Variants in HADHB observed in about 807,000 individuals in gnomAD.
HADHB encodes the protein trifunctional enzyme subunit beta, mitochondrial.
A neutral mutation model predicts 61.9 loss-of-function variants in HADHB; 50 were observed. That is an observed-to-expected ratio of 0.81 (90% CI 0.64 to 1.02). The LOEUF (loss-of-function observed/expected upper bound fraction) is 1.02. Among genes scored for constraint, HADHB ranks in the 50% least tolerant of loss-of-function variants. HADHB has a pLI of 0.00. For missense variants in HADHB, 504 were observed against 586.5 expected, an observed-to-expected ratio of 0.86 and a Z score of 1.45; for synonymous variants, 191 against 201.6, an observed-to-expected ratio of 0.95 and a Z score of 0.45.
intron 15 of HADHB, among the ~76,000 whole-genome samples, chr2:26,285,781 A>C (rs889148366): frequency 3.2e-5 from 3 of 94,790 alleles, no homozygotes; most frequent in Non-Finnish European, 6.0e-5. Context: ...TCTGTCACCC[A>C]GGTTGGAATG....
chr2:26,265,497 G>A, intron 4 of HADHB, among the ~76,000 whole-genome samples: 1 of 152,042 alleles, frequency 6.6e-6, no homozygotes, highest in East Asian at 1.9e-4. Context: ...TTGGGAGGCT[G>A]AGGCAGGAGA....
rs538195256 is a variant in HADHB, at chr2:26,287,381, G to T, written c.1389+1810G>T. On this transcript the variant is annotated intron_variant, in intron 15 of 15. Coordinates refer to ENST00000317799, the MANE Select transcript of HADHB (RefSeq NM_000183.3). Reference sequence around the variant, plus strand: ...TCTACAGAAAACCATGGTCCATTAAGACTAGAGCGATCCCTCTATCTCTTC... The same window carrying T: ...TCTACAGAAAACCATGGTCCATTAATACTAGAGCGATCCCTCTATCTCTTC... Among the ~76,000 whole-genome samples the T allele has an allele frequency of 1.3e-5, 2 of 152,258 alleles. 1 individual carries two copies. Among genetic ancestry groups the T allele is most frequent in the South Asian group, 4.1e-4 (2 of 4,820 alleles).
At chr2:26,273,561 C>G in intron 5 of HADHB, 90 bp from the exon 6 acceptor site, 1 of 778,942 alleles carries the variant, frequency 1.3e-6, no homozygotes, top group South Asian at 1.4e-5. Flanking sequence ...CAAGGCTAAC[C>G]TTTTTCAAGG....
At chr2:26,285,624 A>G in intron 15 of HADHB, 53 bp downstream of exon 15, 4 of 1,464,378 alleles carry the variant, frequency 2.7e-6, no homozygotes, top group Non-Finnish European at 3.8e-6. Flanking sequence ...TCTTGGAATG[A>G]CTAGAATGTA....
In HADHB at chr2:26,280,070, C is replaced by T; in HGVS notation, c.888C>T (p.Phe296=). Residue 296 remains phenylalanine (F), a synonymous_variant, in exon 10 of 16, where the codon TTC becomes TTT. Transcript: ENST00000317799. ...LEQMAKLKPA[F]IKPYGTVTAA... Reference sequence around the variant, plus strand: ...AGATGGCCAAACTAAAACCTGCATTCATCAAGCCCTACGGCACAGTGACAG... The same window carrying T: ...AGATGGCCAAACTAAAACCTGCATTTATCAAGCCCTACGGCACAGTGACAG... 1 of 1,611,628 alleles carries T rather than the reference C, an allele frequency of 6.2e-7. No homozygotes were observed. The highest frequency in any genetic ancestry group is 1.7e-5 in the Admixed American group (1 of 60,022).
intron 1 of HADHB, among the ~76,000 whole-genome samples, chr2:26,246,589 C>G (rs7562192): frequency 0.2 from 29,656 of 151,960 alleles, 3,007 homozygotes; most frequent in Middle Eastern, 0.26. Flanking sequence ...GATTCGCCCA[C>G]CTCTGCCCCC....
At chr2:26,251,969 A>G (rs1022843081) in intron 1 of HADHB, among the ~76,000 whole-genome samples, 9 of 152,336 alleles carry the variant, frequency 5.9e-5, no homozygotes, top group South Asian at 2.1e-4. Flanking sequence ...TGAGTTTCCC[A>G]TAAGGTGGCT....
At chr2:26,283,921 C>G (rs894189361) in intron 12 of HADHB, among the ~76,000 whole-genome samples, 196 bp from the exon 13 acceptor site, 3 of 152,288 alleles carry the variant, frequency 2.0e-5, no homozygotes, top group Non-Finnish European at 2.9e-5. Flanking sequence ...TTCTCTGACT[C>G]TGCAACATAA....
intron 4 of HADHB, among the ~76,000 whole-genome samples, chr2:26,265,022 A>G (rs181989008): frequency 1.4e-4 from 22 of 152,086 alleles, no homozygotes; most frequent in Admixed American, 1.1e-3. Context: ...AAGTAATGCT[A>G]TAAGTAAATG....
intron 7 of HADHB, among the ~76,000 whole-genome samples, chr2:26,277,741 G>T (rs1295373899): frequency 6.6e-6 from 1 of 152,146 alleles, no homozygotes; most frequent in Non-Finnish European, 1.5e-5. Flanking sequence ...CTGGAGGAGT[G>T]TATCTCTAGG....
At chr2:26,289,485 G>A (rs1673178112) in intron 15 of HADHB, among the ~76,000 whole-genome samples, 1 of 151,470 alleles carries the variant, frequency 6.6e-6, no homozygotes, top group Admixed American at 6.6e-5. Context: ...ACTTTTATTG[G>A]TATTTGCTGT....
At chr2:26,273,484 C>T (rs905869105) in intron 5 of HADHB, among the ~76,000 whole-genome samples, 167 bp from the exon 6 acceptor site, 2 of 152,166 alleles carry the variant, frequency 1.3e-5, no homozygotes, top group Non-Finnish European at 2.9e-5. Flanking sequence ...TCATTCATTT[C>T]TTCTTTGAGA....
At chr2:26,252,995 C>T (rs1671462760) in intron 1 of HADHB, among the ~76,000 whole-genome samples, 1 of 152,184 alleles carries the variant, frequency 6.6e-6, no homozygotes, top group Non-Finnish European at 1.5e-5. Flanking sequence ...TGAATCTTTG[C>T]TACTTTGAGA....
At chr2:26,273,031 C>T (rs1314298774) in intron 5 of HADHB, among the ~76,000 whole-genome samples, 3 of 151,406 alleles carry the variant, frequency 2.0e-5, no homozygotes, top group East Asian at 3.9e-4. Context: ...TGCAGTGAGC[C>T]GAGATTGTGC....
chr2:26,284,206 T>C lies in HADHB; in HGVS notation c.1149+2T>C. 6.7e-7 allele frequency: 1 copy of C among 1,499,752 alleles called. No homozygotes were observed. Among genetic ancestry groups the C allele is most frequent in the Non-Finnish European group, 9.3e-7 (1 of 1,076,324 alleles). 92.9% of individuals were successfully genotyped at this position (1,499,752 alleles called of 1,614,324 possible). A position where few individuals can be genotyped will look rare whatever the true frequency, so the allele number is the denominator to read the frequency against. ...TTTGAATTTCATGAAGCTTTCTCGG[T>C]AAGTAATTTGAAAGACACATATGAA... On this transcript the variant is annotated splice_donor_variant, in intron 13 of 15. Coordinates refer to ENST00000317799, the MANE Select transcript of HADHB (RefSeq NM_000183.3). LOFTEE classifies it high-confidence loss of function.
At chr2:26,269,559 TCCTAATACATCA>T (rs1672252690) in intron 4 of HADHB, among the ~76,000 whole-genome samples, 1 of 152,134 alleles carries the variant, frequency 6.6e-6, no homozygotes. Flanking sequence ...TCTTCAAAAG[TCCTAATACATCA>T]CCTGTAGCCC....
chr2:26,260,925 A>G (rs1285969582), intron 3 of HADHB: 2 of 823,608 alleles, frequency 2.4e-6, no homozygotes, highest in Non-Finnish European at 4.0e-6. Context: ...GTTCTTCCTC[A>G]TGGCATCTTT....
chr2:26,280,116 G>T lies in HADHB; in HGVS notation c.933+1G>T, dbSNP rs1672723966. 6.2e-7 allele frequency: 1 copy of T among 1,610,904 alleles called. No homozygotes were observed. The highest frequency in any genetic ancestry group is 1.3e-5 in the African/African-American group (1 of 74,812). On this transcript the variant is annotated splice_donor_variant, in intron 10 of 15. Transcript: ENST00000317799. LOFTEE classifies it high-confidence loss of function. ...GACAGCTGCAAATTCTTCTTTCTTGGTAACTGTCAATGTTATTTGTATTTA... is the reference window on the plus strand; with the variant it reads ...GACAGCTGCAAATTCTTCTTTCTTGTTAACTGTCAATGTTATTTGTATTTA...
intron 4 of HADHB, among the ~76,000 whole-genome samples, chr2:26,264,664 T>A (rs1374075614): frequency 6.6e-6 from 1 of 151,762 alleles, no homozygotes; most frequent in Non-Finnish European, 1.5e-5. Context: ...CAACAAAGGT[T>A]CATTTTTAAA....
Sources: allele counts gnomAD v4.1 joint callset (sites outside exome capture counted in the v4.1 genomes callset), GRCh38; gene constraint gnomAD v4.1.1; transcripts MANE v1.5; gene names NCBI Gene and HGNC (gene_info 2026-07-23, HGNC 2026-07-21).